Variants in GUCA1C observed in about 807,000 individuals in gnomAD.
GUCA1C encodes the protein guanylate cyclase activator 1C.
GUCA1C carries 15 observed loss-of-function variants against 16.2 expected under a neutral mutation model. The ratio of observed to expected loss-of-function variants is 0.93; its 90% CI spans 0.62 to 1.43. The LOEUF (loss-of-function observed/expected upper bound fraction) is 1.43. GUCA1C is among the 40% of genes most tolerant of loss of function. The pLI, the probability that GUCA1C is intolerant of heterozygous loss-of-function variation, is 0.00. For synonymous variants in GUCA1C, 78 were observed against 85.4 expected, an observed-to-expected ratio of 0.91 and a Z score of 0.48; for missense variants, 275 against 244.8, an observed-to-expected ratio of 1.12 and a Z score of -0.82.
At chr3:108,919,346 G>A (rs535646769) in intron 2 of GUCA1C, among the ~76,000 whole-genome samples, 9 of 152,110 alleles carry the variant, frequency 5.9e-5, no homozygotes, top group African/African-American at 1.9e-4. Flanking sequence ...TTTAGAAAAA[G>A]CTGAGTATTT....
In GUCA1C at chr3:108,937,242, G is replaced by A. The variant is rs560482413; in HGVS notation, c.204+16317C>T. 2.6e-5 allele frequency among the ~76,000 whole-genome samples: 4 copies of A among 152,154 alleles called. No individual in the cohort carries two copies. The East Asian group carries it at 5.8e-4, about 22-fold the overall frequency. ...CTCTCCACCCACCTGCCATCCAGGGGGCCTCGTAGCTGCATTATAGGCCAG... is the reference window on the plus strand; with the variant it reads ...CTCTCCACCCACCTGCCATCCAGGGAGCCTCGTAGCTGCATTATAGGCCAG... On this transcript the variant is annotated intron_variant, in intron 1 of 3. Transcript: ENST00000261047.
At chr3:108,942,111 TACTTA>T (rs1946791994) in intron 1 of GUCA1C, among the ~76,000 whole-genome samples, 1 of 152,262 alleles carries the variant, frequency 6.6e-6, no homozygotes, top group African/African-American at 2.4e-5. Context: ...TCTGGCAAGT[TACTTA>T]ACTTCTCTGT....
rs200262890 is a variant in GUCA1C at position 108,920,474 on chromosome 3, C to A, written c.316G>T (p.Gly106Cys). 1.2e-5 allele frequency: 19 copies of A among 1,607,156 alleles called. 1 individual carries two copies. In the Admixed American group the frequency reaches 1.5e-4, roughly 13 times the overall value. ...AGTAGTTCATTTTTGTCAATAGAACCATTTCCATCAGCATCATACAGCTTA... is the reference window on the plus strand; with the variant it reads ...AGTAGTTCATTTTTGTCAATAGAACAATTTCCATCAGCATCATACAGCTTA... Reference protein sequence around the residue: ...YFKLYDADGNGSIDKNELLDM... With the variant: ...YFKLYDADGNCSIDKNELLDM... Residue 106 changes from glycine (G) to cysteine (C), a missense_variant, in exon 2 of 4, where the codon GGT becomes TGT. Gly to Cys is a radical substitution (Grantham distance 159). Coordinates refer to ENST00000261047, the MANE Select transcript of GUCA1C (RefSeq NM_005459.4).
At chr3:108,923,199 T>C (rs1287780985) in intron 1 of GUCA1C, among the ~76,000 whole-genome samples, 1 of 152,198 alleles carries the variant, frequency 6.6e-6, no homozygotes, top group African/African-American at 2.4e-5. Context: ...ATTTTTGTTT[T>C]TGTTGCATTT....
intron 2 of GUCA1C, 28 bp from the exon 3 acceptor site, chr3:108,916,242 T>G: frequency 6.3e-7 from 1 of 1,597,094 alleles, no homozygotes; most frequent in Non-Finnish European, 8.5e-7. Context: ...ATGAAAGAGG[T>G]CAACTTTTCT....
At position 108,946,317 on chromosome 3, in the gene GUCA1C, A is replaced by G. The variant is rs181212091; in HGVS notation, c.204+7242T>C. ...TACTTTTTTTGTGCGTTTTTTTTAG[A>G]GACAAGGTTTTGCTATGTTGCCCAT... On this transcript the variant is annotated intron_variant, in intron 1 of 3. Coordinates refer to ENST00000261047, the MANE Select transcript of GUCA1C (RefSeq NM_005459.4). Among the ~76,000 whole-genome samples, 821 of 151,860 alleles carry G rather than the reference A, an allele frequency of 5.4e-3. 7 individuals carry two copies. Among genetic ancestry groups the G allele is most frequent in the African/African-American group, 0.017 (700 of 41,304 alleles).
chr3:108,951,584 C>T (rs1171718313), intron 1 of GUCA1C, among the ~76,000 whole-genome samples: 2 of 152,192 alleles, frequency 1.3e-5, no homozygotes, highest in Admixed American at 6.5e-5. Context: ...TTTTCCTGTG[C>T]ATAATTGCAC....
chr3:108,911,670 C>A (rs554558230), intron 3 of GUCA1C, among the ~76,000 whole-genome samples: 4 of 152,184 alleles, frequency 2.6e-5, no homozygotes, highest in Non-Finnish European at 4.4e-5. Flanking sequence ...TGGTAATTCT[C>A]GTTTTCCCAG....
At chr3:108,931,395 T>C (rs1946664501) in intron 1 of GUCA1C, among the ~76,000 whole-genome samples, 1 of 152,250 alleles carries the variant, frequency 6.6e-6, no homozygotes, top group South Asian at 2.1e-4. Context: ...ATAAATATTT[T>C]CACTGTATGG....
At chr3:108,923,666 G>T (rs1946591861) in intron 1 of GUCA1C, among the ~76,000 whole-genome samples, 1 of 151,936 alleles carries the variant, frequency 6.6e-6, no homozygotes, top group Admixed American at 6.6e-5. Flanking sequence ...ATGAATTTTA[G>T]AATTTTTTTT....
At chr3:108,912,677 A>C (rs2107274234) in intron 3 of GUCA1C, among the ~76,000 whole-genome samples, 1 of 149,096 alleles carries the variant, frequency 6.7e-6, no homozygotes, top group Admixed American at 6.8e-5. Flanking sequence ...TATTTTATGA[A>C]GTTTTTAACA....
At chr3:108,946,314 T>C (rs187983745) in intron 1 of GUCA1C, among the ~76,000 whole-genome samples, 2 of 152,156 alleles carry the variant, frequency 1.3e-5, no homozygotes, top group East Asian at 3.9e-4. Flanking sequence ...GCGTTTTTTT[T>C]AGAGACAAGG....
intron 3 of GUCA1C, among the ~76,000 whole-genome samples, chr3:108,909,726 A>C (rs1946428820): frequency 1.3e-5 from 2 of 152,216 alleles, no homozygotes; most frequent in Non-Finnish European, 2.9e-5. Context: ...AAAAGATGGA[A>C]GTATTCACTG....
chr3:108,923,283 G>C (rs1161137309), intron 1 of GUCA1C, among the ~76,000 whole-genome samples: 2 of 152,138 alleles, frequency 1.3e-5, no homozygotes, highest in Admixed American at 1.3e-4. Context: ...TTATCTTCTA[G>C]AATCTTTATG....
chr3:108,917,431 T>A (rs559487449), intron 2 of GUCA1C, among the ~76,000 whole-genome samples: 2 of 151,914 alleles, frequency 1.3e-5, no homozygotes, highest in East Asian at 3.9e-4. Context: ...TGCTCCGTTT[T>A]CCTTCTTTTT....
At chr3:108,942,691 GAGTT>G (rs1196882722) in intron 1 of GUCA1C, among the ~76,000 whole-genome samples, 3 of 152,188 alleles carry the variant, frequency 2.0e-5, no homozygotes, top group African/African-American at 7.2e-5. Flanking sequence ...TGGAACCACA[GAGTT>G]AGTACAATGT....
chr3:108,924,501 T>G (rs1287789846), intron 1 of GUCA1C, among the ~76,000 whole-genome samples: 1 of 152,148 alleles, frequency 6.6e-6, no homozygotes, highest in African/African-American at 2.4e-5. Flanking sequence ...CACTTGATCT[T>G]GGTGGATTAT....
At chr3:108,920,650 A>G in intron 1 of GUCA1C, 65 bp from the exon 2 acceptor site, 2 of 940,548 alleles carry the variant, frequency 2.1e-6, no homozygotes, top group Non-Finnish European at 3.3e-6. Context: ...TTATTTGAGA[A>G]CTCAGCATTC....
chr3:108,921,477 T>C (rs1165405033), intron 1 of GUCA1C, among the ~76,000 whole-genome samples: 1 of 152,204 alleles, frequency 6.6e-6, no homozygotes, highest in Non-Finnish European at 1.5e-5. Flanking sequence ...ATTTGGATGA[T>C]ATGTAGGAGT....
Sources: allele counts gnomAD v4.1 joint callset (sites outside exome capture counted in the v4.1 genomes callset), GRCh38; gene constraint gnomAD v4.1.1; transcripts MANE v1.5; gene names NCBI Gene and HGNC (gene_info 2026-07-23, HGNC 2026-07-21).